EPM2A: variants seen among roughly 807,000 people sequenced by gnomAD.
The protein encoded by EPM2A is EPM2A glucan phosphatase, laforin.
A neutral mutation model predicts 26.5 loss-of-function variants in EPM2A; 21 were observed. That is an observed-to-expected ratio of 0.79 (90% CI 0.56 to 1.14). The LOEUF (loss-of-function observed/expected upper bound fraction) is 1.14. Among genes scored for constraint, EPM2A ranks in the 50% most tolerant of loss-of-function variants. The pLI is 0.00. For synonymous variants in EPM2A, 217 were observed against 177.6 expected (o/e 1.22, Z -1.76); for missense variants, 458 against 440.8 (o/e 1.04, Z -0.35).
intron 1 of EPM2A, among the ~76,000 whole-genome samples, chr6:145,713,691 A>G (rs1485968661): frequency 6.6e-6 from 1 of 152,194 alleles, no homozygotes; most frequent in African/African-American, 2.4e-5. Context: ...TTAAACATAG[A>G]GTTACCATAT....
chr6:145,496,427 A>G (rs886244706), intron 4 of EPM2A, among the ~76,000 whole-genome samples: 2 of 152,096 alleles, frequency 1.3e-5, no homozygotes, highest in African/African-American at 4.8e-5. Context: ...AAGTTTTCCA[A>G]ATTGGTTCCA....
At chr6:145,397,730 T>C (rs1161963013) in intron 4 of EPM2A, among the ~76,000 whole-genome samples, 1 of 152,190 alleles carries the variant, frequency 6.6e-6, no homozygotes. Flanking sequence ...TTATCAAGTA[T>C]TATTGACCAA....
At chr6:145,464,370 T>C (rs1323413806) in intron 4 of EPM2A, among the ~76,000 whole-genome samples, 1 of 152,150 alleles carries the variant, frequency 6.6e-6, no homozygotes, top group Non-Finnish European at 1.5e-5. Context: ...AGGGAAATTC[T>C]TTATAGCAGT....
At position 145,550,029 on chromosome 6, in the gene EPM2A, G is replaced by T. The variant is rs140642931; in HGVS notation, c.341-47454C>A. 3.3e-5 allele frequency among the ~76,000 whole-genome samples: 5 copies of T among 152,254 alleles called. No individual in the cohort carries two copies. The East Asian group carries it at 7.7e-4, about 24-fold the overall frequency. On this transcript the variant is annotated intron_variant, in intron 2 of 3. Transcript: ENST00000450221. ...GTTGCAGAGTCCAGTAGAACCGAAA[G>T]TTCATAAAGTGGTGTATACTTGTAT... is the stretch of plus-strand genomic sequence containing the variant.
At chr6:145,517,606 A>G (rs1282741146) in intron 2 of EPM2A, among the ~76,000 whole-genome samples, 1 of 152,238 alleles carries the variant, frequency 6.6e-6, no homozygotes, top group East Asian at 1.9e-4. Context: ...CAATAGACAT[A>G]CATTACTTCT....
At position 145,720,197 on chromosome 6, in the gene EPM2A, G is replaced by T. The variant is rs183582333; in HGVS notation, c.301+15001C>A. ...CCACATTAAGTAAAGACTGAAGTCT[G>T]TGCAAAAAAGCATACATAGCTCTGG... is the stretch of plus-strand genomic sequence containing the variant. On this transcript the variant is annotated intron_variant, in intron 1 of 3. Coordinates refer to ENST00000367519, the MANE Select transcript of EPM2A (RefSeq NM_005670.4). 2.6e-5 allele frequency among the ~76,000 whole-genome samples: 4 copies of T among 152,168 alleles called. No homozygotes were observed. In the East Asian group the frequency reaches 7.7e-4, roughly 29 times the overall value.
At chr6:145,609,502 C>A (rs1303455904) in intron 2 of EPM2A, among the ~76,000 whole-genome samples, 1 of 152,166 alleles carries the variant, frequency 6.6e-6, no homozygotes, top group East Asian at 1.9e-4. Flanking sequence ...ATTTTAGGAG[C>A]TGATTCTTGT....
At chr6:145,630,698 G>A (rs1035711428) in intron 3 of EPM2A, 11 of 152,186 alleles carry the variant, frequency 7.2e-5, no homozygotes, top group African/African-American at 2.4e-4. Flanking sequence ...GGTTTATTTT[G>A]ATCTCCTGTG....
chr6:145,484,945 T>C (rs1779654018), intron 4 of EPM2A, among the ~76,000 whole-genome samples: 1 of 149,962 alleles, frequency 6.7e-6, no homozygotes, highest in Non-Finnish European at 1.5e-5. Context: ...ATTGTTTTTG[T>C]TTTATTTTGG....
At chr6:145,675,861 T>C (rs1162825908) in intron 2 of EPM2A, among the ~76,000 whole-genome samples, 1 of 152,114 alleles carries the variant, frequency 6.6e-6, no homozygotes, top group East Asian at 1.9e-4. Flanking sequence ...CTGTCAATAT[T>C]AGACAGATCA....
chr6:145,719,696 C>A (rs896986957), intron 1 of EPM2A, among the ~76,000 whole-genome samples: 5 of 152,152 alleles, frequency 3.3e-5, no homozygotes, highest in Admixed American at 3.3e-4. Context: ...TGACAATAAA[C>A]ATTTTTTCCC....
chr6:145,571,217 A>C (rs1227235411), intron 2 of EPM2A, among the ~76,000 whole-genome samples: 1 of 152,192 alleles, frequency 6.6e-6, no homozygotes, highest in Non-Finnish European at 1.5e-5. Context: ...GATTCAGAGC[A>C]TACACGGCCT....
At chr6:145,561,460 T>C (rs1037166878) in intron 2 of EPM2A, among the ~76,000 whole-genome samples, 3 of 152,192 alleles carry the variant, frequency 2.0e-5, no homozygotes, top group African/African-American at 7.2e-5. Context: ...AAGACTTTTG[T>C]ATATTTGAAT....
chr6:145,423,793 C>T (rs1028854386), intron 4 of EPM2A, among the ~76,000 whole-genome samples: 8 of 152,208 alleles, frequency 5.3e-5, no homozygotes, highest in Admixed American at 2.6e-4. Context: ...GTAGTTCCTA[C>T]ATGTTCCCCC....
At chr6:145,399,631 T>C (rs1778454511) in intron 4 of EPM2A, among the ~76,000 whole-genome samples, 1 of 152,152 alleles carries the variant, frequency 6.6e-6, no homozygotes, top group African/African-American at 2.4e-5. Context: ...TATTTGACAA[T>C]TTAGAGACTT....
intron 2 of EPM2A, among the ~76,000 whole-genome samples, chr6:145,511,057 C>G (rs1780048759): frequency 6.6e-6 from 1 of 151,888 alleles, no homozygotes; most frequent in Non-Finnish European, 1.5e-5. Flanking sequence ...AAATAGAAAT[C>G]CAGAACACAC....
At chr6:145,700,772 T>C (rs1781867005) in intron 1 of EPM2A, among the ~76,000 whole-genome samples, 1 of 152,212 alleles carries the variant, frequency 6.6e-6, no homozygotes, top group South Asian at 2.1e-4. Flanking sequence ...ATTTTGGCAG[T>C]TTCATAGTAA....
chr6:145,478,892 C>G (rs1779577711), intron 4 of EPM2A, among the ~76,000 whole-genome samples: 1 of 151,568 alleles, frequency 6.6e-6, no homozygotes, highest in African/African-American at 2.4e-5. Context: ...TTAAGATCTG[C>G]TTTTGGCTTG....
At chr6:145,513,628 T>C (rs1780085607) in intron 2 of EPM2A, among the ~76,000 whole-genome samples, 1 of 152,254 alleles carries the variant, frequency 6.6e-6, no homozygotes, top group African/African-American at 2.4e-5. Context: ...GGATTATTTA[T>C]CTAACCTAGT....
Sources: allele counts gnomAD v4.1 joint callset (sites outside exome capture counted in the v4.1 genomes callset), GRCh38; gene constraint gnomAD v4.1.1; transcripts MANE v1.5; gene names NCBI Gene and HGNC (gene_info 2026-07-23, HGNC 2026-07-21).